The following NLGN1 variants were observed in gnomAD, a reference collection of about 807,000 sequenced individuals.
NLGN1 encodes the protein neuroligin-1.
NLGN1 carries 12 observed loss-of-function variants against 65.5 expected under a neutral mutation model. The ratio of observed to expected loss-of-function variants is 0.18; its 90% CI spans 0.12 to 0.30. The LOEUF (loss-of-function observed/expected upper bound fraction) is 0.30, where lower values mean the gene tolerates loss of function less well. Among genes scored for constraint, NLGN1 ranks in the 10% least tolerant of loss-of-function variants. The pLI is 1.00. For synonymous variants in NLGN1, 350 were observed against 359.5 expected (o/e 0.97, Z 0.30); for missense variants, 750 against 1,007.1 (o/e 0.74, Z 3.46).
chr3:173,495,694 A>AAC (rs1476735694), intron 2 of NLGN1, among the ~76,000 whole-genome samples: 13 of 150,608 alleles, frequency 8.6e-5, no homozygotes, highest in Admixed American at 1.3e-4. Flanking sequence ...AAAAAAAAAA[A>AAC]AAACTCTATT....
intron 4 of NLGN1, among the ~76,000 whole-genome samples, chr3:173,861,249 T>G (rs1161551504): frequency 6.6e-6 from 1 of 151,968 alleles, no homozygotes; most frequent in Non-Finnish European, 1.5e-5. Flanking sequence ...GAAAAAAATA[T>G]TTAGTTTTCT....
chr3:174,086,930 G>A (rs1342361248), intron 4 of NLGN1, among the ~76,000 whole-genome samples: 1 of 152,112 alleles, frequency 6.6e-6, no homozygotes, highest in African/African-American at 2.4e-5. Flanking sequence ...TGGAAATGTG[G>A]TGTAAAATAT....
intron 2 of NLGN1, among the ~76,000 whole-genome samples, chr3:173,518,873 A>G (rs1356525367): frequency 2.6e-5 from 4 of 152,146 alleles, no homozygotes; most frequent in Non-Finnish European, 5.9e-5. Flanking sequence ...TGCTTACACA[A>G]TGGGGGAAAG....
chr3:173,711,266 G>C (rs546945445), intron 3 of NLGN1, among the ~76,000 whole-genome samples: 1 of 152,224 alleles, frequency 6.6e-6, no homozygotes, highest in East Asian at 1.9e-4. Context: ...ATGCTTTATG[G>C]CTAAAAACCA....
intron 3 of NLGN1, among the ~76,000 whole-genome samples, chr3:173,650,043 A>G (rs555115383): frequency 9.9e-5 from 15 of 152,090 alleles, no homozygotes; most frequent in Non-Finnish European, 2.1e-4. Flanking sequence ...GCATATGTAT[A>G]TACGTGTATG....
At chr3:173,533,053 C>T (rs1020372893) in intron 2 of NLGN1, among the ~76,000 whole-genome samples, 1 of 152,164 alleles carries the variant, frequency 6.6e-6, no homozygotes, top group Non-Finnish European at 1.5e-5. Flanking sequence ...ATGGTCCTTT[C>T]CTGTAGTTAC....
At chr3:173,489,565 A>G (rs1262116603) in intron 2 of NLGN1, among the ~76,000 whole-genome samples, 8 of 152,164 alleles carry the variant, frequency 5.3e-5, no homozygotes, top group Non-Finnish European at 8.8e-5. Flanking sequence ...GTGTCTTTAT[A>G]GCAGCATGAT....
At chr3:173,900,299 A>G (rs1453730493) in intron 4 of NLGN1, among the ~76,000 whole-genome samples, 4 of 152,086 alleles carry the variant, frequency 2.6e-5, no homozygotes, top group African/African-American at 4.8e-5. Context: ...GATTGGAATT[A>G]ACTGGACCTT....
intron 2 of NLGN1, among the ~76,000 whole-genome samples, chr3:173,471,843 C>A (rs1330093980): frequency 6.6e-6 from 1 of 152,058 alleles, no homozygotes; most frequent in Admixed American, 6.6e-5. Context: ...ACTTGATATT[C>A]CTGTGCACTA....
At chr3:173,412,908 A>G (rs1169269905) in intron 1 of NLGN1, among the ~76,000 whole-genome samples, 1 of 152,184 alleles carries the variant, frequency 6.6e-6, no homozygotes, top group African/African-American at 2.4e-5. Context: ...TGCTGACAAC[A>G]AATGCTTTCT....
chr3:173,748,188 T>C (rs1775803907), intron 3 of NLGN1, among the ~76,000 whole-genome samples: 1 of 152,096 alleles, frequency 6.6e-6, no homozygotes. Flanking sequence ...GTTTTACTTT[T>C]GTTGTAAGAC....
intron 2 of NLGN1, among the ~76,000 whole-genome samples, chr3:173,548,475 C>T (rs895668631): frequency 1.4e-4 from 19 of 132,034 alleles, no homozygotes; most frequent in African/African-American, 5.3e-4. Context: ...GTGATACCAG[C>T]ACCTCACATT....
chr3:173,705,203 A>T (rs1767873357), intron 3 of NLGN1, among the ~76,000 whole-genome samples: 1 of 152,142 alleles, frequency 6.6e-6, no homozygotes. Flanking sequence ...TGTGACCTAC[A>T]TCCTGTGGCA....
intron 3 of NLGN1, among the ~76,000 whole-genome samples, chr3:173,780,386 GA>G (rs1294921188): frequency 1.3e-5 from 2 of 152,170 alleles, no homozygotes; most frequent in Non-Finnish European, 2.9e-5. Flanking sequence ...TTCAAAGTAT[GA>G]ATCTCAAATA....
intron 2 of NLGN1, among the ~76,000 whole-genome samples, chr3:173,456,777 G>A (rs1297244133): frequency 3.9e-5 from 6 of 152,116 alleles, no homozygotes; most frequent in African/African-American, 1.2e-4. Flanking sequence ...CCAGAGCTTG[G>A]TGGGAGCAGT....
At chr3:173,547,658 A>G (rs1223315802) in intron 2 of NLGN1, among the ~76,000 whole-genome samples, 1 of 152,158 alleles carries the variant, frequency 6.6e-6, no homozygotes. Context: ...ACTAGGTATT[A>G]TGTGTCAGCT....
intron 4 of NLGN1, among the ~76,000 whole-genome samples, chr3:173,855,449 A>AAAT (rs1727771432): frequency 6.6e-6 from 1 of 152,086 alleles, no homozygotes; most frequent in East Asian, 1.9e-4. Flanking sequence ...TTGATTTTTT[A>AAAT]AATACAAGAG....
chr3:174,090,807 G>C (rs936404970), intron 4 of NLGN1, among the ~76,000 whole-genome samples: 6 of 151,458 alleles, frequency 4.0e-5, no homozygotes, highest in African/African-American at 1.5e-4. Context: ...CTTGCTACTC[G>C]AAGTGTGGTT....
intron 3 of NLGN1, among the ~76,000 whole-genome samples, chr3:173,758,768 T>G (rs952736952): frequency 5.9e-5 from 9 of 152,004 alleles, no homozygotes; most frequent in African/African-American, 2.2e-4. Flanking sequence ...AGCTAAGCAG[T>G]TACTATACCC....
Sources: allele counts gnomAD v4.1 joint callset (sites outside exome capture counted in the v4.1 genomes callset), GRCh38; gene constraint gnomAD v4.1.1; transcripts MANE v1.5; gene names NCBI Gene and HGNC (gene_info 2026-07-23, HGNC 2026-07-21).